DNAH14: variants seen among roughly 807,000 people sequenced by gnomAD.
DNAH14 encodes axonemal beta dynein heavy chain 14.
DNAH14 carries 478 observed loss-of-function variants against 520.9 expected under a neutral mutation model. The observed-to-expected ratio is 0.92, with a 90% confidence interval of 0.85 to 0.99. The LOEUF is 0.99. Among genes scored for constraint, DNAH14 ranks in the 50% least tolerant of loss-of-function variants. The pLI, the probability that DNAH14 is intolerant of heterozygous loss-of-function variation, is 0.00. For synonymous variants in DNAH14, 1,581 were observed against 1,757.2 expected (o/e 0.90, Z 2.51); for missense variants, 4,831 against 5,234.5 (o/e 0.92, Z 2.38).
chr1:225,283,019 GTTA>G (rs1436700765), intron 54 of DNAH14, among the ~76,000 whole-genome samples: 1 of 151,376 alleles, frequency 6.6e-6, no homozygotes, highest in Non-Finnish European at 1.5e-5. Flanking sequence ...TCAATAAATA[GTTA>G]TTATTTTTAA....
At position 224,952,793 on chromosome 1, in the gene DNAH14, A is replaced by G; in HGVS notation, c.77+14A>G. On this transcript the variant is annotated intron_variant, in intron 2 of 85. Coordinates refer to ENST00000682510, the MANE Select transcript of DNAH14 (RefSeq NM_001367479.1). ...GACAAAACCAAGGTAAAAGTAAGAT[A>G]AAATATAATGAGTTTTTTTCTAAAG... 1 of 1,559,122 alleles carries G rather than the reference A, an allele frequency of 6.4e-7. No homozygotes were observed. The highest frequency in any genetic ancestry group is 8.7e-7 in the Non-Finnish European group (1 of 1,153,002).
chr1:225,146,403 A>T (rs1287119249), intron 30 of DNAH14, among the ~76,000 whole-genome samples: 1 of 152,196 alleles, frequency 6.6e-6, no homozygotes, highest in Non-Finnish European at 1.5e-5. Flanking sequence ...CTCAACTTGC[A>T]TTCAGCCCAC....
chr1:224,941,151 T>A (rs2059394432), intron 1 of DNAH14, among the ~76,000 whole-genome samples: 1 of 152,278 alleles, frequency 6.6e-6, no homozygotes, highest in African/African-American at 2.4e-5. Flanking sequence ...TAAAAATGTT[T>A]CTATTTCTCC....
intron 30 of DNAH14, 101 bp from the exon 31 acceptor site, chr1:225,147,003 G>C (rs991878635): frequency 2.1e-6 from 2 of 934,292 alleles, no homozygotes; most frequent in Middle Eastern, 7.0e-4. Context: ...GCCTTTGCTT[G>C]GTTTGGGTAG....
At chr1:225,138,611 C>T (rs778490662) in intron 27 of DNAH14, among the ~76,000 whole-genome samples, 2 of 152,206 alleles carry the variant, frequency 1.3e-5, no homozygotes, top group Non-Finnish European at 2.9e-5. Context: ...GCTCTGTGTA[C>T]TGGACCCACA....
intron 41 of DNAH14, among the ~76,000 whole-genome samples, chr1:225,218,386 A>C (rs913960440): frequency 3.3e-5 from 5 of 152,168 alleles, no homozygotes; most frequent in Non-Finnish European, 7.3e-5. Flanking sequence ...GTCAAGACCC[A>C]TCAGTGTGCT....
chr1:225,171,322 A>C (rs1419455079), intron 36 of DNAH14, among the ~76,000 whole-genome samples: 1 of 152,182 alleles, frequency 6.6e-6, no homozygotes, highest in Non-Finnish European at 1.5e-5. Context: ...AAAATCAGTG[A>C]ATCCAGGAGC....
chr1:225,244,263 T>C (rs556652515), intron 43 of DNAH14, among the ~76,000 whole-genome samples: 1 of 152,304 alleles, frequency 6.6e-6, no homozygotes, highest in South Asian at 2.1e-4. Context: ...GCCAGTATTT[T>C]ATTGAGGATT....
chr1:225,357,818 A>T (rs1428861576), intron 73 of DNAH14: 2 of 702,244 alleles, frequency 2.8e-6, no homozygotes, highest in Non-Finnish European at 5.2e-6. Flanking sequence ...GGAGTCCCAG[A>T]TGTTGAACAT....
chr1:225,148,254 G>A (rs1281025359), intron 31 of DNAH14, among the ~76,000 whole-genome samples: 2 of 152,130 alleles, frequency 1.3e-5, no homozygotes, highest in Non-Finnish European at 2.9e-5. Context: ...CCCACCAACA[G>A]TGTATAAGTG....
intron 66 of DNAH14, 83 bp from the exon 67 acceptor site, chr1:225,337,183 G>A (rs1447199828): frequency 1.8e-6 from 2 of 1,123,576 alleles, no homozygotes; most frequent in South Asian, 3.0e-5. Flanking sequence ...CAGTGATTCT[G>A]TAGGATCTTT....
chr1:225,175,750 C>G (rs2083256038), intron 36 of DNAH14, among the ~76,000 whole-genome samples: 1 of 129,466 alleles, frequency 7.7e-6, no homozygotes, highest in Non-Finnish European at 1.6e-5. Context: ...GTCCCCCTAA[C>G]TAGAGTGCAC....
At position 225,371,110 on chromosome 1, in the gene DNAH14, CTAGTG is replaced by C. The variant is rs1326997493; in HGVS notation, c.12318+3081_12318+3085del. 3.3e-5 allele frequency among the ~76,000 whole-genome samples: 5 copies of C among 152,216 alleles called. No homozygotes were observed. In the East Asian group the frequency reaches 9.6e-4, roughly 29 times the overall value. On this transcript the variant is annotated intron_variant, in intron 77 of 85. Coordinates refer to ENST00000682510, the MANE Select transcript of DNAH14 (RefSeq NM_001367479.1). ...ACCTTAGTAAAAGATCACAATCTCC[CTAGTG>C]TATTTTATGAAACCAGCATAGTTTT...
At chr1:224,956,318 G>A (rs74228671) in intron 3 of DNAH14, among the ~76,000 whole-genome samples, 8,374 of 152,130 alleles carry the variant, frequency 0.055, 471 homozygotes, top group East Asian at 0.24. Context: ...ACTGCATAAC[G>A]ACATTTTGGT....
chr1:225,319,302 T>C (rs1168022431), intron 61 of DNAH14, among the ~76,000 whole-genome samples: 1 of 152,168 alleles, frequency 6.6e-6, no homozygotes, highest in Non-Finnish European at 1.5e-5. Context: ...GCTACAAAGA[T>C]CTGAGCCTAT....
At position 225,229,030 on chromosome 1, in the gene DNAH14, C is replaced by T. The variant is rs527894324; in HGVS notation, c.6440-2043C>T. On this transcript the variant is annotated intron_variant, in intron 41 of 85. Transcript: ENST00000682510. ...CTTTCGTGTGCAGGACTGCTCTCTA[C>T]TCAGCGGGGTTGACAATGTTTATTA... Among the ~76,000 whole-genome samples, 112 of 152,324 alleles carry T rather than the reference C, an allele frequency of 7.4e-4. 1 individual carries two copies. Among genetic ancestry groups the T allele is most frequent in the African/African-American group, 2.6e-3 (109 of 41,572 alleles).
intron 11 of DNAH14, chr1:225,024,254 A>G (rs2065927388): frequency 1.0e-6 from 1 of 985,548 alleles, no homozygotes; most frequent in South Asian, 4.7e-5. Context: ...GTTTTTAAAG[A>G]TATGTGAGAA....
chr1:225,355,666 A>T (rs10915814), intron 73 of DNAH14, among the ~76,000 whole-genome samples: 37,773 of 151,986 alleles, frequency 0.25, 5,047 homozygotes, highest in East Asian at 0.35. Flanking sequence ...CAGATTTTTT[A>T]AAAAAATATA....
At chr1:225,290,679 A>G (rs533481534) in intron 55 of DNAH14, among the ~76,000 whole-genome samples, 9 of 128,328 alleles carry the variant, frequency 7.0e-5, no homozygotes, top group South Asian at 2.4e-4. Flanking sequence ...ATATATATAT[A>G]TATATATATA....
Sources: allele counts gnomAD v4.1 joint callset (sites outside exome capture counted in the v4.1 genomes callset), GRCh38; gene constraint gnomAD v4.1.1; transcripts MANE v1.5; gene names NCBI Gene and HGNC (gene_info 2026-07-23, HGNC 2026-07-21).